The following NR5A2 variants were observed in gnomAD, a reference collection of about 807,000 sequenced individuals.
NR5A2 encodes CYP7A promoter-binding factor.
Under a neutral mutation model 62.7 loss-of-function variants are expected in NR5A2, and 26 were observed. The ratio of observed to expected loss-of-function variants is 0.41; its 90% CI spans 0.30 to 0.58. The LOEUF is 0.58. NR5A2 is among the 20% of genes least tolerant of loss of function. The probability of loss-of-function intolerance (pLI) is 0.22; values close to 1 mark genes in which losing one functional copy is unlikely to be tolerated. For synonymous variants in NR5A2, 246 were observed against 241.7 expected (o/e 1.02, Z -0.16); for missense variants, 541 against 669.1 (o/e 0.81, Z 2.11).
At chr1:200,150,434 A>T (rs1328933078) in intron 7 of NR5A2, among the ~76,000 whole-genome samples, 3 of 152,206 alleles carry the variant, frequency 2.0e-5, no homozygotes, top group Non-Finnish European at 1.5e-5. Flanking sequence ...ACTCTGGATG[A>T]TTATCAGTAC....
chr1:200,120,469 G>A (rs1666430598), intron 6 of NR5A2, among the ~76,000 whole-genome samples: 1 of 152,190 alleles, frequency 6.6e-6, no homozygotes, highest in South Asian at 2.1e-4. Flanking sequence ...CTTATCAAAA[G>A]TGATTATATT....
rs12072457 is a variant in NR5A2 at position 200,109,858 on chromosome 1, G to A, written c.1111-1344G>A. Among the ~76,000 whole-genome samples the A allele has an allele frequency of 2.4e-3, 361 of 152,218 alleles. 4 individuals carry two copies. Among genetic ancestry groups the A allele is most frequent in the African/African-American group, 8.3e-3 (343 of 41,534 alleles). ...CTGCTCACTGCAATCTCTGCCTCCC[G>A]GATTCAAGTGATTCTCCTGCCTCAG... On this transcript the variant is annotated intron_variant, in intron 5 of 7. Coordinates refer to ENST00000367362, the MANE Select transcript of NR5A2 (RefSeq NM_205860.3).
Position 200,111,338 on chromosome 1 carries a change from A to AG in NR5A2, c.1230+17_1230+18insG. 1 of 860,170 alleles carries AG rather than the reference A, an allele frequency of 1.2e-6. No individual in the cohort carries two copies. 53.3% of individuals were successfully genotyped at this position (860,170 alleles called of 1,614,324 possible). ...GGGCAACAAGTGAGTGTAGAGACCA[A>AG]AAAAAAAAAAAAAGCATCTTTTTAT... On this transcript the variant is annotated intron_variant, in intron 6 of 7. Coordinates refer to ENST00000367362, the MANE Select transcript of NR5A2 (RefSeq NM_205860.3).
At chr1:200,049,427 T>A (rs1571714266) in intron 5 of NR5A2, among the ~76,000 whole-genome samples, 1 of 152,234 alleles carries the variant, frequency 6.6e-6, no homozygotes, top group African/African-American at 2.4e-5. Context: ...AGTGCTAGTT[T>A]ACTTGGTTTG....
At chr1:200,146,868 A>C (rs1192751555) in intron 7 of NR5A2, among the ~76,000 whole-genome samples, 2 of 152,220 alleles carry the variant, frequency 1.3e-5, no homozygotes, top group Non-Finnish European at 2.9e-5. Flanking sequence ...CTTATCAAAA[A>C]ATTACATAAT....
chr1:200,092,794 A>G (rs898927917), intron 5 of NR5A2, among the ~76,000 whole-genome samples: 3 of 151,888 alleles, frequency 2.0e-5, no homozygotes, highest in Admixed American at 6.6e-5. Context: ...TGTGTGCTCA[A>G]AAGTATGGAT....
chr1:200,035,065 G>A (rs1489676235), intron 1 of NR5A2, among the ~76,000 whole-genome samples: 1 of 151,954 alleles, frequency 6.6e-6, no homozygotes, highest in Admixed American at 6.5e-5. Flanking sequence ...TGGGTTTTTC[G>A]GCTGGGAGGG....
At chr1:200,173,936 C>CTTTTTTTTTT in intron 7 of NR5A2, 27 bp from the exon 8 acceptor site, 1 of 1,006,502 alleles carries the variant, frequency 9.9e-7, no homozygotes, top group Non-Finnish European at 1.3e-6. Context: ...TGAAATGTTG[C>CTTTTTTTTTT]TTTTTTTTTT....
At chr1:200,046,108 A>C (rs1009484671) in intron 4 of NR5A2, among the ~76,000 whole-genome samples, 3 of 152,190 alleles carry the variant, frequency 2.0e-5, no homozygotes, top group African/African-American at 7.2e-5. Flanking sequence ...TATCTTTGAT[A>C]GTGTAGAAAT....
intron 7 of NR5A2, among the ~76,000 whole-genome samples, chr1:200,128,058 C>T (rs2102323190): frequency 6.6e-6 from 1 of 152,090 alleles, no homozygotes; most frequent in East Asian, 1.9e-4. Context: ...AATTATATAG[C>T]TCTTAATTCA....
chr1:200,060,070 G>T (rs1663127302), intron 5 of NR5A2, among the ~76,000 whole-genome samples: 1 of 152,078 alleles, frequency 6.6e-6, no homozygotes, highest in African/African-American at 2.4e-5. Context: ...CAGTGGCATG[G>T]GCGCCCTGGC....
chr1:200,090,863 ACACT>A (rs1363383941), intron 5 of NR5A2, among the ~76,000 whole-genome samples: 1 of 152,164 alleles, frequency 6.6e-6, no homozygotes, highest in Non-Finnish European at 1.5e-5. Context: ...TCCCTAACAC[ACACT>A]CACATTCACG....
chr1:200,045,160 G>A (rs112167610), intron 3 of NR5A2, among the ~76,000 whole-genome samples: 2,329 of 152,196 alleles, frequency 0.015, 64 homozygotes, highest in African/African-American at 0.053. Flanking sequence ...TATCTATATA[G>A]AGTGTATTTT....
At chr1:200,116,746 G>A (rs1445402765) in intron 6 of NR5A2, among the ~76,000 whole-genome samples, 1 of 152,144 alleles carries the variant, frequency 6.6e-6, no homozygotes, top group Non-Finnish European at 1.5e-5. Context: ...CACTTCAAAT[G>A]TTCTATATAG....
intron 7 of NR5A2, among the ~76,000 whole-genome samples, chr1:200,148,811 G>A: frequency 6.6e-6 from 1 of 151,730 alleles, no homozygotes; most frequent in Non-Finnish European, 1.5e-5. Flanking sequence ...AAACGTGAAG[G>A]ATCCTATGAG....
At chr1:200,108,326 C>T (rs528585039) in intron 5 of NR5A2, among the ~76,000 whole-genome samples, 44 of 152,134 alleles carry the variant, frequency 2.9e-4, no homozygotes, top group Non-Finnish European at 4.0e-4. Flanking sequence ...GATCCTCCCA[C>T]CTCGGCCTCC....
chr1:200,133,323 C>CAG (rs1427677349), intron 7 of NR5A2, among the ~76,000 whole-genome samples: 4 of 151,922 alleles, frequency 2.6e-5, no homozygotes, highest in Admixed American at 1.3e-4. Flanking sequence ...TGACTCTCTC[C>CAG]ACTTTACTCT....
intron 6 of NR5A2, among the ~76,000 whole-genome samples, chr1:200,114,262 CTACATATA>C (rs1314801695): frequency 4.0e-5 from 6 of 148,216 alleles, no homozygotes; most frequent in Non-Finnish European, 7.4e-5. Flanking sequence ...ACAAATATAT[CTACATATA>C]TACATATATA....
chr1:200,165,857 A>T (rs1653875865), intron 7 of NR5A2, among the ~76,000 whole-genome samples: 1 of 152,234 alleles, frequency 6.6e-6, no homozygotes, highest in Non-Finnish European at 1.5e-5. Flanking sequence ...ATAACCATTT[A>T]AACGTATACA....
Sources: allele counts gnomAD v4.1 joint callset (sites outside exome capture counted in the v4.1 genomes callset), GRCh38; gene constraint gnomAD v4.1.1; transcripts MANE v1.5; gene names NCBI Gene and HGNC (gene_info 2026-07-23, HGNC 2026-07-21).